Variants in AKAP6 observed in about 807,000 individuals in gnomAD.
The protein encoded by AKAP6 is A-kinase anchoring protein 6.
A neutral mutation model predicts 188.5 loss-of-function variants in AKAP6; 58 were observed. The ratio of observed to expected loss-of-function variants is 0.31; its 90% CI spans 0.25 to 0.38. AKAP6 has a LOEUF of 0.38. Among genes scored for constraint, AKAP6 ranks in the 10% least tolerant of loss-of-function variants. The pLI, the probability that AKAP6 is intolerant of heterozygous loss-of-function variation, is 1.00. For synonymous variants in AKAP6, 989 were observed against 998.6 expected, an observed-to-expected ratio of 0.99 and a Z score of 0.18; for missense variants, 2,710 against 2,740.0, an observed-to-expected ratio of 0.99 and a Z score of 0.24.
intron 12 of AKAP6, among the ~76,000 whole-genome samples, chr14:32,800,299 G>T (rs1001194518): frequency 2.0e-5 from 3 of 151,282 alleles, no homozygotes; most frequent in African/African-American, 7.3e-5. Flanking sequence ...CTACTCAGAA[G>T]GCTGAGGTGG....
At chr14:32,649,606 C>T (rs1025272472) in intron 7 of AKAP6, among the ~76,000 whole-genome samples, 6 of 152,028 alleles carry the variant, frequency 3.9e-5, no homozygotes, top group Non-Finnish European at 7.4e-5. Context: ...TTTTTCCTTA[C>T]TGCAAATCTT....
At chr14:32,627,819 TTTTTAAG>T (rs1437437477) in intron 7 of AKAP6, among the ~76,000 whole-genome samples, 1 of 152,152 alleles carries the variant, frequency 6.6e-6, no homozygotes, top group Non-Finnish European at 1.5e-5. Context: ...TTTAACTTCC[TTTTTAAG>T]CTTTCATTTT....
intron 7 of AKAP6, among the ~76,000 whole-genome samples, chr14:32,631,323 T>C (rs1055005204): frequency 6.6e-6 from 1 of 152,196 alleles, no homozygotes; most frequent in Admixed American, 6.5e-5. Flanking sequence ...CTCATGATGT[T>C]ATAATGACAG....
At chr14:32,539,002 T>C (rs1388373794) in intron 3 of AKAP6, among the ~76,000 whole-genome samples, 1 of 152,212 alleles carries the variant, frequency 6.6e-6, no homozygotes, top group Admixed American at 6.5e-5. Context: ...CTTCCTTCTA[T>C]CTTCTCTATT....
intron 1 of AKAP6, among the ~76,000 whole-genome samples, chr14:32,337,973 T>A (rs1233492762): frequency 6.6e-6 from 1 of 152,068 alleles, no homozygotes; most frequent in Non-Finnish European, 1.5e-5. Context: ...TGAGCCATGA[T>A]TGCATCACTG....
At chr14:32,566,048 T>G (rs985139712) in intron 4 of AKAP6, among the ~76,000 whole-genome samples, 2 of 152,184 alleles carry the variant, frequency 1.3e-5, no homozygotes, top group African/African-American at 2.4e-5. Context: ...CAGTATGGTC[T>G]CGGCACCTGT....
chr14:32,611,322 G>T (rs889503244), intron 7 of AKAP6, among the ~76,000 whole-genome samples: 13 of 152,156 alleles, frequency 8.5e-5, no homozygotes, highest in African/African-American at 2.4e-4. Flanking sequence ...GAATATCTAG[G>T]TGTGTAACCT....
At chr14:32,560,095 C>T (rs1252831493) in intron 4 of AKAP6, among the ~76,000 whole-genome samples, 1 of 152,000 alleles carries the variant, frequency 6.6e-6, no homozygotes, top group Admixed American at 6.6e-5. Flanking sequence ...TAACAAATGT[C>T]TCCAAGGCAT....
intron 11 of AKAP6, among the ~76,000 whole-genome samples, chr14:32,767,856 C>G (rs1183652240): frequency 3.9e-5 from 6 of 152,146 alleles, no homozygotes; most frequent in Non-Finnish European, 8.8e-5. Context: ...GGGTCATGGC[C>G]TCACTATTCT....
Position 32,813,399 on chromosome 14 carries a change from CCA to C in AKAP6, c.3589-8002_3589-8001del, listed in dbSNP as rs60071276. Among the ~76,000 whole-genome samples, 253 of 125,086 alleles carry C rather than the reference CCA, an allele frequency of 2.0e-3. 5 individuals carry two copies. Among genetic ancestry groups the C allele is most frequent in the African/African-American group, 6.8e-3 (216 of 31,848 alleles). 82.1% of individuals were successfully genotyped at this position (125,086 alleles called of 152,430 possible). Reference sequence around the variant, plus strand: ...TTCATCTCTAACCCTACCCCCCCCCCCAACCCCTTTCCCAGAGGTCCTTCGGT... The same window carrying C: ...TTCATCTCTAACCCTACCCCCCCCCCACCCCTTTCCCAGAGGTCCTTCGGT... On this transcript the variant is annotated intron_variant, in intron 12 of 13. Transcript: ENST00000280979.
At chr14:32,416,477 GCTGT>G (rs1236512594) in intron 1 of AKAP6, among the ~76,000 whole-genome samples, 6 of 152,002 alleles carry the variant, frequency 3.9e-5, no homozygotes, top group African/African-American at 4.8e-5. Flanking sequence ...CATTCTACAG[GCTGT>G]CTTTTTATTT....
chr14:32,786,323 T>TTTTTTTTTTTTG (rs2033416214), intron 12 of AKAP6, among the ~76,000 whole-genome samples: 1 of 132,174 alleles, frequency 7.6e-6, no homozygotes, highest in African/African-American at 2.8e-5. Context: ...TTTTTTTTTT[T>TTTTTTTTTTTTG]TTGAGACGGA....
chr14:32,561,896 T>C (rs925789911), intron 4 of AKAP6, among the ~76,000 whole-genome samples: 1 of 152,252 alleles, frequency 6.6e-6, no homozygotes, highest in Non-Finnish European at 1.5e-5. Flanking sequence ...CCATCAGCAC[T>C]GAGGCTTGTG....
intron 3 of AKAP6, among the ~76,000 whole-genome samples, chr14:32,541,454 A>G (rs1882952856): frequency 1.3e-5 from 2 of 152,066 alleles, no homozygotes; most frequent in Admixed American, 1.3e-4. Flanking sequence ...GACCAAATAT[A>G]TTTGCAAGAC....
At chr14:32,576,430 T>C (rs376086964) in intron 4 of AKAP6, among the ~76,000 whole-genome samples, 10 of 152,172 alleles carry the variant, frequency 6.6e-5, no homozygotes, top group African/African-American at 2.4e-4. Flanking sequence ...ATAACCACTA[T>C]TTGAAAAATT....
intron 12 of AKAP6, among the ~76,000 whole-genome samples, chr14:32,814,835 C>G (rs1351059459): frequency 6.6e-6 from 1 of 152,158 alleles, no homozygotes; most frequent in Non-Finnish European, 1.5e-5. Flanking sequence ...CTCAAGCAGT[C>G]CTCCTGCCTC....
chr14:32,370,955 C>T (rs536805629), intron 1 of AKAP6, among the ~76,000 whole-genome samples: 7 of 152,098 alleles, frequency 4.6e-5, no homozygotes, highest in Non-Finnish European at 1.0e-4. Context: ...AGGTGCAGAA[C>T]TGAGTGAACA....
chr14:32,422,042 G>C (rs1469445657), intron 1 of AKAP6, among the ~76,000 whole-genome samples: 2 of 152,204 alleles, frequency 1.3e-5, no homozygotes, highest in Non-Finnish European at 2.9e-5. Flanking sequence ...CCAGTCTTCT[G>C]TCTGAACTGG....
At chr14:32,594,173 T>C (rs1034658700) in intron 5 of AKAP6, among the ~76,000 whole-genome samples, 2 of 152,204 alleles carry the variant, frequency 1.3e-5, no homozygotes, top group African/African-American at 2.4e-5. Flanking sequence ...GCAAGTTAGA[T>C]AGTATGATTT....
Sources: allele counts gnomAD v4.1 joint callset (sites outside exome capture counted in the v4.1 genomes callset), GRCh38; gene constraint gnomAD v4.1.1; transcripts MANE v1.5; gene names NCBI Gene and HGNC (gene_info 2026-07-23, HGNC 2026-07-21).